ACP3: variants seen among roughly 807,000 people sequenced by gnomAD.
The protein encoded by ACP3 is prostatic acid phosphatase.
ACP3 carries 38 observed loss-of-function variants against 45.6 expected under a neutral mutation model. That is an observed-to-expected ratio of 0.83 (90% CI 0.64 to 1.09). The LOEUF (loss-of-function observed/expected upper bound fraction) is 1.09. ACP3 is among the 50% of genes least tolerant of loss of function. The pLI is 0.00. For missense variants in ACP3, 466 were observed against 463.2 expected (o/e 1.01, Z -0.05); for synonymous variants, 162 against 164.7 (o/e 0.98, Z 0.13).
intron 6 of ACP3, among the ~76,000 whole-genome samples, chr3:132,343,970 C>T (rs1206637709): frequency 1.3e-5 from 2 of 152,046 alleles, no homozygotes; most frequent in Non-Finnish European, 2.9e-5. Context: ...CCTACCTCTA[C>T]AAAACACTTT....
chr3:132,368,028 A>G (rs968264511), exon 11 of ACP3: 1 of 513,116 alleles, frequency 1.9e-6, no homozygotes, highest in Non-Finnish European at 3.5e-6. Flanking sequence ...CTCATAATGG[A>G]GTGGTAGTGC....
chr3:132,338,943 T>C (rs1937522249), intron 5 of ACP3, among the ~76,000 whole-genome samples: 1 of 152,262 alleles, frequency 6.6e-6, no homozygotes, highest in African/African-American at 2.4e-5. Context: ...ACATGTGTCA[T>C]GGGGGTTTGT....
At chr3:132,331,562 G>GAA in intron 2 of ACP3, 85 bp from the exon 3 acceptor site, 13 of 985,082 alleles carry the variant, frequency 1.3e-5, no homozygotes, top group Middle Eastern at 3.1e-4. Context: ...CACACATAAT[G>GAA]AAAAAAAAAA....
intron 1 of ACP3, among the ~76,000 whole-genome samples, chr3:132,322,112 C>G (rs1240759658): frequency 6.6e-6 from 1 of 152,190 alleles, no homozygotes; most frequent in African/African-American, 2.4e-5. Context: ...CCAGCAGGAC[C>G]TTGACAAAGC....
chr3:132,354,761 G>T (rs1000534322), intron 9 of ACP3, among the ~76,000 whole-genome samples: 2 of 152,196 alleles, frequency 1.3e-5, no homozygotes, highest in Admixed American at 1.3e-4. Context: ...TTTTGGGTTA[G>T]ATACAGAGAT....
At chr3:132,365,995 A>G (rs1342955215) in intron 10 of ACP3, among the ~76,000 whole-genome samples, 1 of 151,744 alleles carries the variant, frequency 6.6e-6, no homozygotes, top group Non-Finnish European at 1.5e-5. Flanking sequence ...ATCTCCCAAA[A>G]AAAAAAAAGG....
chr3:132,359,388 G>A (rs1299433533), downstream of ACP3, among the ~76,000 whole-genome samples: 1 of 152,080 alleles, frequency 6.6e-6, no homozygotes, highest in African/African-American at 2.4e-5. Context: ...GGCACCTGTA[G>A]TCCCAGCTAC....
chr3:132,322,156 C>T (rs1428083924), intron 1 of ACP3, among the ~76,000 whole-genome samples: 2 of 152,170 alleles, frequency 1.3e-5, no homozygotes, highest in Non-Finnish European at 2.9e-5. Context: ...CAACTGAAAA[C>T]CCAGACCTTT....
Position 132,337,666 on chromosome 3 carries a change from A to G in ACP3, c.555+112A>G, listed in dbSNP as rs1937513337. ...CTTCTTAAAAAGATGGGACGAATGC[A>G]TCTGTCAGTGGCTGGTTACAGCAAT... On this transcript the variant is annotated intron_variant, in intron 5 of 9. Transcript: ENST00000336375. The G allele has an allele frequency of 1.3e-5, 8 of 639,142 alleles. No homozygotes were observed. In the East Asian group the frequency reaches 2.1e-4, roughly 17 times the overall value. The allele number at this position is 639,142 out of a possible 1,614,324, so 39.6% of individuals were successfully genotyped here. A position where few individuals can be genotyped will look rare whatever the true frequency, so the allele number is the denominator to read the frequency against.
At chr3:132,345,831 A>G (rs1030963101) in intron 7 of ACP3, among the ~76,000 whole-genome samples, 6 of 152,208 alleles carry the variant, frequency 3.9e-5, no homozygotes, top group African/African-American at 1.4e-4. Context: ...AAAGACAAGG[A>G]CAGATGTTGG....
At chr3:132,366,921 T>C (rs1237311918) in intron 10 of ACP3, among the ~76,000 whole-genome samples, 1 of 152,206 alleles carries the variant, frequency 6.6e-6, no homozygotes, top group Non-Finnish European at 1.5e-5. Context: ...CTGTCTTCTA[T>C]GCTGCACTAG....
At chr3:132,335,774 G>A (rs1161429953) in intron 4 of ACP3, among the ~76,000 whole-genome samples, 1 of 152,078 alleles carries the variant, frequency 6.6e-6, no homozygotes, top group Non-Finnish European at 1.5e-5. Context: ...AGTGTTGCTG[G>A]AGAGGAGTGA....
chr3:132,343,818 G>C (rs985654090), intron 6 of ACP3, among the ~76,000 whole-genome samples: 2 of 152,170 alleles, frequency 1.3e-5, no homozygotes, highest in Non-Finnish European at 2.9e-5. Flanking sequence ...CTGTGTGCAA[G>C]GTGCAGGCTT....
At chr3:132,337,264 T>TAA (rs1197878904) in intron 4 of ACP3, 192 bp from the exon 5 acceptor site, 7 of 432,858 alleles carry the variant, frequency 1.6e-5, no homozygotes, top group Non-Finnish European at 2.9e-5. Context: ...TGAATACATA[T>TAA]CCTACTATTT....
intron 5 of ACP3, among the ~76,000 whole-genome samples, chr3:132,341,577 G>A (rs1318660410): frequency 6.6e-6 from 1 of 152,040 alleles, no homozygotes; most frequent in East Asian, 1.9e-4. Flanking sequence ...GTTTTATTTT[G>A]GGGGCAATCT....
chr3:132,317,901 C>T (rs899296685), intron 1 of ACP3, among the ~76,000 whole-genome samples: 16 of 152,306 alleles, frequency 1.1e-4, no homozygotes, highest in African/African-American at 3.1e-4. Context: ...CCACAGCTGG[C>T]GCTGTTTATG....
chr3:132,350,142 A>G lies in ACP3; in HGVS notation c.864+140A>G. On this transcript the variant is annotated intron_variant, in intron 8 of 9. Coordinates refer to ENST00000336375, the MANE Select transcript of ACP3 (RefSeq NM_001099.5). The stretch of plus-strand genomic sequence containing the variant: ...ACTTGCACAAAGCTTTTAGAATTAA[A>G]TGCATCATTCTGTCCTTTAAGGGAT... 4 of 626,240 alleles carry G rather than the reference A, an allele frequency of 6.4e-6. No homozygotes were observed. In the South Asian group the frequency reaches 8.0e-5, roughly 13 times the overall value. 38.8% of individuals were successfully genotyped at this position (626,240 alleles called of 1,614,324 possible).
intron 9 of ACP3, among the ~76,000 whole-genome samples, chr3:132,355,917 T>A: frequency 9.4e-6 from 1 of 106,160 alleles, no homozygotes; most frequent in East Asian, 3.2e-4. Flanking sequence ...GTAGCCATTG[T>A]AAGGTTACAC....
chr3:132,318,744 T>C (rs572594291), intron 1 of ACP3, among the ~76,000 whole-genome samples: 1 of 152,334 alleles, frequency 6.6e-6, no homozygotes, highest in African/African-American at 2.4e-5. Context: ...GGGAAACCCA[T>C]GTGAGCTAGG....
Sources: gnomAD v4.1 joint callset for allele counts (sites outside exome capture counted in the v4.1 genomes callset) on GRCh38, gnomAD v4.1.1 for gene constraint, MANE v1.5 for transcripts, NCBI Gene and HGNC (gene_info 2026-07-23, HGNC 2026-07-21) for gene names.